Variants in GPAM observed in about 807,000 individuals in gnomAD.
GPAM encodes the protein glycerol-3-phosphate acyltransferase, mitochondrial, also known as glycerol-3-phosphate acyltransferase 1, mitochondrial.
GPAM carries 56 observed loss-of-function variants against 105.0 expected under a neutral mutation model. The ratio of observed to expected loss-of-function variants is 0.53; its 90% CI spans 0.43 to 0.67. GPAM has a LOEUF of 0.67. Among genes scored for constraint, GPAM ranks in the 30% least tolerant of loss-of-function variants. The pLI is 0.00. For missense variants in GPAM, 855 were observed against 989.8 expected (o/e 0.86, Z 1.83); for synonymous variants, 368 against 354.4 (o/e 1.04, Z -0.43).
intron 6 of GPAM, among the ~76,000 whole-genome samples, chr10:112,175,193 A>G (rs899332885): frequency 6.6e-5 from 10 of 152,222 alleles, no homozygotes; most frequent in Admixed American, 6.5e-4. Flanking sequence ...TTCCAGTACA[A>G]GAATTTGTAC....
At chr10:112,211,476 G>A (rs183539544) in intron 1 of GPAM, among the ~76,000 whole-genome samples, 6 of 152,304 alleles carry the variant, frequency 3.9e-5, no homozygotes, top group East Asian at 1.9e-4. Flanking sequence ...CATTCTGGTC[G>A]AGGCGGGCTA....
At chr10:112,183,318 CATTA>C (rs1198075988) in intron 1 of GPAM, among the ~76,000 whole-genome samples, 1 of 152,254 alleles carries the variant, frequency 6.6e-6, no homozygotes, top group Non-Finnish European at 1.5e-5. Flanking sequence ...GTAACGCTGT[CATTA>C]ATTATCTCCA....
intron 6 of GPAM, among the ~76,000 whole-genome samples, chr10:112,174,908 G>C (rs537123633): frequency 6.6e-6 from 1 of 152,118 alleles, no homozygotes; most frequent in Non-Finnish European, 1.5e-5. Context: ...GTCTACAGAT[G>C]ACACTTATGA....
In GPAM at chr10:112,150,133, T is replaced by C. The variant is rs1038561963; in HGVS notation, c.*3417A>G. 1.0e-6 allele frequency: 1 copy of C among 983,874 alleles called. No individual in the cohort carries two copies. The highest frequency in any genetic ancestry group is 1.2e-6 in the Non-Finnish European group (1 of 828,628). 60.9% of individuals were successfully genotyped at this position (983,874 alleles called of 1,614,324 possible). A position where few individuals can be genotyped will look rare whatever the true frequency, so the allele number is the denominator to read the frequency against. On this transcript the variant is annotated 3_prime_UTR_variant, in exon 22 of 22. Transcript: ENST00000348367. ...AATCTCTTTCAAATGCAATCATTAG[T>C]TTGTATTAAACTAAAATGCCAGACG...
chr10:112,175,661 G>C lies in GPAM; in HGVS notation c.352C>G (p.Arg118Gly), dbSNP rs781240716. Residue 118 changes from arginine to glycine, a missense_variant, in exon 6 of 22, where the codon CGA becomes GGA. Physicochemically the swap from Arg to Gly is moderately radical, Grantham distance 125 (BLOSUM62 -2). Transcript: ENST00000348367. ...RLSYVLFIQE[R>G]DVHKGMFATN... Reference sequence around the variant, plus strand: ...GCAAACATGCCCTTATGCACATCTCGCTCTTGAATAAAAAGAACGTAAGAA... The same window carrying C: ...GCAAACATGCCCTTATGCACATCTCCCTCTTGAATAAAAAGAACGTAAGAA... The C allele has an allele frequency of 6.2e-7, 1 of 1,613,178 alleles. No individual in the cohort carries two copies.
chr10:112,154,804 A>G, intron 20 of GPAM, 117 bp from the exon 21 acceptor site: 1 of 862,090 alleles, frequency 1.2e-6, no homozygotes, highest in East Asian at 2.6e-5. Context: ...AAGTCAGCAG[A>G]CAAGGGTGGG....
rs1846908896 is a variant in GPAM at position 112,151,111 on chromosome 10, TTG to T, written c.*2437_*2438del. 67 of 981,490 alleles carry T rather than the reference TTG, an allele frequency of 6.8e-5. No homozygotes were observed. The South Asian group carries it at 7.6e-4, about 11-fold the overall frequency. 60.8% of individuals were successfully genotyped at this position (981,490 alleles called of 1,614,324 possible). A position where few individuals can be genotyped will look rare whatever the true frequency, so the allele number is the denominator to read the frequency against. On this transcript the variant is annotated 3_prime_UTR_variant, in exon 22 of 22. Transcript: ENST00000348367. ...GACTGCAGTTTCATGTTGTTTAATA[TTG>T]TTTTTTTTTTTTAACTTGACCACAG...
intron 1 of GPAM, among the ~76,000 whole-genome samples, chr10:112,191,271 G>A (rs1394091831): frequency 6.6e-6 from 1 of 152,214 alleles, no homozygotes; most frequent in Non-Finnish European, 1.5e-5. Flanking sequence ...ATACACTGGA[G>A]CCAGGCAGTA....
chr10:112,155,483 A>T (rs144407880), intron 20 of GPAM: 261 of 247,918 alleles, frequency 1.1e-3, no homozygotes, highest in Middle Eastern at 7.8e-3. Flanking sequence ...GATATTCACC[A>T]AAAGACATAT....
rs1404698628 is a variant in GPAM, at chr10:112,172,990, T to A, written c.637A>T (p.Met213Leu). Residue 213 changes from methionine to leucine, a missense_variant, in exon 8 of 22, where the codon ATG (methionine) becomes TTG (leucine). Coordinates refer to ENST00000348367, the MANE Select transcript of GPAM (RefSeq NM_001244949.2). The stretch of plus-strand genomic sequence containing the variant: ...CTTGCCTCAGTTGCAGCTTTAACCA[T>A]CTCAAGTTGACCTTTGTGAATTTGA... Reference protein sequence around the residue: ...NIQIHKGQLEMVKAATETNLP... With the variant: ...NIQIHKGQLELVKAATETNLP... 1.9e-6 allele frequency: 3 copies of A among 1,595,858 alleles called. No individual in the cohort carries two copies. The highest frequency in any genetic ancestry group is 2.7e-5 in the African/African-American group (2 of 74,656).
At chr10:112,181,210 T>G (rs1464369509) in intron 3 of GPAM, among the ~76,000 whole-genome samples, 1 of 151,740 alleles carries the variant, frequency 6.6e-6, no homozygotes, top group Non-Finnish European at 1.5e-5. Context: ...CACCATTTTT[T>G]ATATAAAGAC....
rs759405368 is a variant in GPAM, at chr10:112,157,256, T to G, written c.2114A>C (p.Tyr705Ser). Reference protein sequence around the residue: ...SDFGEEQRDCYLKVSQSKEHQ... With the variant: ...SDFGEEQRDCSLKVSQSKEHQ... ...AATTCTTCACCCAAGTACCTTCAGG[T>G]AGCAATCTCGCTGTTCCTCCCCAAA... Residue 705 changes from tyrosine to serine, a missense_variant, in exon 19 of 22, where the codon TAC becomes TCC. Transcript: ENST00000348367. The G allele has an allele frequency of 1.2e-6, 2 of 1,613,668 alleles. No individual in the cohort carries two copies. Among genetic ancestry groups the G allele is most frequent in the South Asian group, 1.1e-5 (1 of 91,064 alleles).
chr10:112,225,687 A>G, the GPAM span, among the ~76,000 whole-genome samples: 1 of 150,864 alleles, frequency 6.6e-6, no homozygotes, highest in Non-Finnish European at 1.5e-5. Flanking sequence ...CTTCCCCTCG[A>G]CTCCCCACCA....
upstream of GPAM, among the ~76,000 whole-genome samples, chr10:112,185,417 A>G (rs573635133): frequency 2.0e-5 from 3 of 152,000 alleles, no homozygotes; most frequent in South Asian, 6.2e-4. Context: ...AGTAATTATG[A>G]CTGTATTCAA....
Position 112,154,715 on chromosome 10 carries a change from A to T in GPAM, c.2312-28T>A, listed in dbSNP as rs765318307. The T allele has an allele frequency of 2.5e-5, 38 of 1,497,548 alleles. No homozygotes were observed. The South Asian group carries it at 4.1e-4, about 16-fold the overall frequency. The allele number at this position is 1,497,548 out of a possible 1,614,324, so 92.8% of individuals were successfully genotyped here. A position where few individuals can be genotyped will look rare whatever the true frequency, so the allele number is the denominator to read the frequency against. ...GAAGAGAGAGAATAAAACCCTGTCA[A>T]ATGGTTACGCTCAACAAATCATGAC... On this transcript the variant is annotated intron_variant, in intron 20 of 21. Coordinates refer to ENST00000348367, the MANE Select transcript of GPAM (RefSeq NM_001244949.2).
intron 3 of GPAM, among the ~76,000 whole-genome samples, chr10:112,181,174 T>A (rs1217400554): frequency 3.3e-5 from 5 of 150,934 alleles, no homozygotes; most frequent in Non-Finnish European, 4.4e-5. Flanking sequence ...TATAACATTC[T>A]CAAAATTAAG....
rs188565822 is a variant in GPAM at position 112,181,780 on chromosome 10, T to C, written c.5A>G (p.Asp2Gly). 73 of 1,572,170 alleles carry C rather than the reference T, an allele frequency of 4.6e-5. No homozygotes were observed. The East Asian group carries it at 1.5e-3, about 31-fold the overall frequency. The part of the protein sequence containing the change: M[D>G]ESALTLGTID... Reference sequence around the variant, plus strand: ...TGTACCAAGGGTCAGTGCAGATTCATCCATGTCACAAAGTGTAATTCCCAA... The same window carrying C: ...TGTACCAAGGGTCAGTGCAGATTCACCCATGTCACAAAGTGTAATTCCCAA... Residue 2 changes from aspartate to glycine, a missense_variant, in exon 3 of 22, where the codon GAT (aspartate) becomes GGT (glycine). Physicochemically the swap from Asp to Gly is moderately conservative, Grantham distance 94. Coordinates refer to ENST00000348367, the MANE Select transcript of GPAM (RefSeq NM_001244949.2).
upstream of GPAM, among the ~76,000 whole-genome samples, chr10:112,217,402 CT>C (rs1422725351): frequency 1.3e-5 from 2 of 151,378 alleles, no homozygotes; most frequent in Non-Finnish European, 2.9e-5. Context: ...CACCATTCAT[CT>C]GCTGGAGGAC....
At chr10:112,186,713 A>T (rs567251341), upstream of GPAM, among the ~76,000 whole-genome samples, 160 of 151,824 alleles carry the variant, frequency 1.1e-3, no homozygotes, top group African/African-American at 3.3e-3. Flanking sequence ...CGCCCAGCTA[A>T]TTTTTTTCTG....
Sources: allele counts gnomAD v4.1 joint callset (sites outside exome capture counted in the v4.1 genomes callset), GRCh38; gene constraint gnomAD v4.1.1; transcripts MANE v1.5; gene names NCBI Gene and HGNC (gene_info 2026-07-23, HGNC 2026-07-21).